KCNQ3: variants seen among roughly 807,000 people sequenced by gnomAD.
KCNQ3 encodes the protein potassium voltage-gated channel subfamily Q member 3.
A neutral mutation model predicts 92.5 loss-of-function variants in KCNQ3; 30 were observed. That is an observed-to-expected ratio of 0.32 (90% CI 0.24 to 0.44). The LOEUF (loss-of-function observed/expected upper bound fraction) is 0.44. Among genes scored for constraint, KCNQ3 ranks in the 20% least tolerant of loss-of-function variants. The pLI, the probability that KCNQ3 is intolerant of heterozygous loss-of-function variation, is 1.00. For missense variants in KCNQ3, 913 were observed against 1,140.3 expected, an observed-to-expected ratio of 0.80 and a Z score of 2.87; for synonymous variants, 450 against 468.8, an observed-to-expected ratio of 0.96 and a Z score of 0.52.
At chr8:132,300,280 G>A (rs1817174789) in intron 1 of KCNQ3, among the ~76,000 whole-genome samples, 1 of 152,176 alleles carries the variant, frequency 6.6e-6, no homozygotes, top group African/African-American at 2.4e-5. Flanking sequence ...GCCCTTTGCT[G>A]CCGTTTCATG....
chr8:132,298,173 T>A (rs1181357745), intron 1 of KCNQ3, among the ~76,000 whole-genome samples: 1 of 152,136 alleles, frequency 6.6e-6, no homozygotes, highest in Admixed American at 6.5e-5. Context: ...CCATCCCAGT[T>A]TGCCTGGGAC....
intron 1 of KCNQ3, among the ~76,000 whole-genome samples, chr8:132,421,168 A>G (rs1820955711): frequency 6.6e-6 from 1 of 152,226 alleles, no homozygotes; most frequent in African/African-American, 2.4e-5. Context: ...CAGATGTAAT[A>G]CACAGTCTTG....
chr8:132,132,294 C>T, intron 13 of KCNQ3, 30 bp from the exon 14 acceptor site: 1 of 1,551,618 alleles, frequency 6.4e-7, no homozygotes. Context: ...TCTATAAGAT[C>T]ATTATATCTA....
intron 7 of KCNQ3, among the ~76,000 whole-genome samples, chr8:132,172,187 A>C (rs1159023346): frequency 6.6e-6 from 1 of 151,960 alleles, no homozygotes; most frequent in African/African-American, 2.4e-5. Context: ...AAAAAAACTC[A>C]AAAAACCACC....
At chr8:132,372,123 C>A (rs1486615403) in intron 1 of KCNQ3, among the ~76,000 whole-genome samples, 1 of 152,162 alleles carries the variant, frequency 6.6e-6, no homozygotes, top group Non-Finnish European at 1.5e-5. Context: ...CTTGCAGCCC[C>A]ATCTCCAGCA....
At position 132,141,236 on chromosome 8, in the gene KCNQ3, A is replaced by G. The variant is rs577543960; in HGVS notation, c.1358T>C (p.Ile453Thr). ...TGGTTCTTTAGAAGGACTTTCTTCT[A>G]TGGCATCTACATTCAGAGGGGTAAA... is the stretch of plus-strand genomic sequence containing the variant. ...KLFTPLNVDA[I>T]EESPSKEPKP... Residue 453 changes from isoleucine to threonine, a missense_variant, in exon 10 of 15, where the codon ATA becomes ACA. Around this residue, in one of 6 missense-constraint regions of KCNQ3, gnomAD observed 182 missense variants for 234.5 expected, o/e 0.78. Coordinates refer to ENST00000388996, the MANE Select transcript of KCNQ3 (RefSeq NM_004519.4). 1 of 1,614,190 alleles carries G rather than the reference A, an allele frequency of 6.2e-7. No individual in the cohort carries two copies. Among genetic ancestry groups the G allele is most frequent in the African/African-American group, 1.3e-5 (1 of 75,058 alleles).
intron 1 of KCNQ3, among the ~76,000 whole-genome samples, chr8:132,387,294 T>C (rs1349411419): frequency 2.6e-5 from 4 of 152,208 alleles, no homozygotes; most frequent in Non-Finnish European, 5.9e-5. Context: ...CATCAGTAAG[T>C]CAAAGGAAAA....
intron 1 of KCNQ3, among the ~76,000 whole-genome samples, chr8:132,411,879 C>A (rs1398050531): frequency 6.6e-6 from 1 of 152,204 alleles, no homozygotes; most frequent in African/African-American, 2.4e-5. Flanking sequence ...TTGAAATGGG[C>A]AACATGGAGA....
chr8:132,290,425 G>A (rs1413917498), intron 1 of KCNQ3, among the ~76,000 whole-genome samples: 1 of 152,178 alleles, frequency 6.6e-6, no homozygotes, highest in Non-Finnish European at 1.5e-5. Context: ...TGGAGAGAGG[G>A]TTAGGGAAAA....
intron 1 of KCNQ3, among the ~76,000 whole-genome samples, chr8:132,237,247 T>C (rs993157778): frequency 1.3e-5 from 2 of 151,872 alleles, no homozygotes; most frequent in East Asian, 3.9e-4. Flanking sequence ...TGGATAAGAG[T>C]AATGATGATG....
At chr8:132,470,976 G>T (rs1822287315) in intron 1 of KCNQ3, among the ~76,000 whole-genome samples, 1 of 152,184 alleles carries the variant, frequency 6.6e-6, no homozygotes, top group Non-Finnish European at 1.5e-5. Flanking sequence ...AATTACGTCA[G>T]AAGGATGGGT....
chr8:132,187,699 ATAGTGG>A (rs141624552), intron 1 of KCNQ3, among the ~76,000 whole-genome samples: 32,824 of 141,198 alleles, frequency 0.23, 3,816 homozygotes, highest in African/African-American at 0.33. Context: ...GGTTGTGATG[ATAGTGG>A]TGGTGGTGGT....
rs1206634853 is a variant in KCNQ3 at position 132,134,397 on chromosome 8, A to C, written c.1701-9T>G. 3 of 1,570,444 alleles carry C rather than the reference A, an allele frequency of 1.9e-6. No individual in the cohort carries two copies. Among genetic ancestry groups the C allele is most frequent in the Non-Finnish European group, 1.8e-6 (2 of 1,140,248 alleles). On this transcript the variant is annotated splice_polypyrimidine_tract_variant and intron_variant, in intron 12 of 14. Transcript: ENST00000388996. Reference sequence around the variant, plus strand: ...TGAAAATCATATCTATTCTGAAAGAAACAAACAGAGCAGGGATTAAATTAC... The same window carrying C: ...TGAAAATCATATCTATTCTGAAAGACACAAACAGAGCAGGGATTAAATTAC...
rs912432982 is a variant in KCNQ3 at position 132,180,340 on chromosome 8, G to A, written c.605-11C>T. The A allele has an allele frequency of 3.1e-6, 5 of 1,613,532 alleles. No individual in the cohort carries two copies. The Admixed American group carries it at 6.7e-5, about 22-fold the overall frequency. ...TCAGCACAAAGATGTCTGGGAGAGA[G>A]GACAGACAGAGTGGGAGGGAAGAGG... On this transcript the variant is annotated splice_polypyrimidine_tract_variant and intron_variant, in intron 3 of 14. Coordinates refer to ENST00000388996, the MANE Select transcript of KCNQ3 (RefSeq NM_004519.4).
At chr8:132,329,770 A>T (rs1432172635) in intron 1 of KCNQ3, among the ~76,000 whole-genome samples, 1 of 152,216 alleles carries the variant, frequency 6.6e-6, no homozygotes, top group Non-Finnish European at 1.5e-5. Context: ...GAGGACAAAC[A>T]AAGCAGCTTG....
intron 8 of KCNQ3, among the ~76,000 whole-genome samples, chr8:132,167,428 A>G (rs1826174630): frequency 6.6e-6 from 1 of 152,236 alleles, no homozygotes; most frequent in Non-Finnish European, 1.5e-5. Context: ...TTTATGGTAT[A>G]TAAAATCCTC....
chr8:132,411,884 T>C (rs1001740005), intron 1 of KCNQ3, among the ~76,000 whole-genome samples: 2 of 152,124 alleles, frequency 1.3e-5, no homozygotes, highest in African/African-American at 4.8e-5. Flanking sequence ...ATGGGCAACA[T>C]GGAGATGATA....
chr8:132,248,864 A>G (rs2130432749), intron 1 of KCNQ3, among the ~76,000 whole-genome samples: 1 of 152,322 alleles, frequency 6.6e-6, no homozygotes. Flanking sequence ...TCTTCAGTGG[A>G]ATGGCTTATG....
intron 1 of KCNQ3, among the ~76,000 whole-genome samples, chr8:132,316,944 CA>C (rs1035351761): frequency 1.3e-5 from 2 of 152,160 alleles, no homozygotes; most frequent in African/African-American, 4.8e-5. Flanking sequence ...GGACTCTGGA[CA>C]GGGGCTGCTG....
Sources: gnomAD v4.1 joint callset for allele counts (sites outside exome capture counted in the v4.1 genomes callset) on GRCh38, gnomAD v4.1.1 for gene constraint, gnomAD v4.1.1 regional missense constraint, MANE v1.5 for transcripts, NCBI Gene and HGNC (gene_info 2026-07-23, HGNC 2026-07-21) for gene names.